Variants in LASP1 observed in about 807,000 individuals in gnomAD.
LASP1 encodes the protein LIM and SH3 domain protein 1.
A neutral mutation model predicts 38.6 loss-of-function variants in LASP1; 10 were observed. That is an observed-to-expected ratio of 0.26 (90% CI 0.16 to 0.44). The LOEUF is 0.44. Ranked by LOEUF, LASP1 falls within the 20% of genes least tolerant of loss-of-function variation. The pLI is 1.00. For synonymous variants in LASP1, 132 were observed against 140.8 expected (o/e 0.94, Z 0.44); for missense variants, 243 against 375.7 (o/e 0.65, Z 2.92).
chr17:38,905,851 G>T (rs1159361354), intron 4 of LASP1, among the ~76,000 whole-genome samples: 1 of 152,126 alleles, frequency 6.6e-6, no homozygotes, highest in Non-Finnish European at 1.5e-5. Context: ...GAGGCCAGGA[G>T]TTTAAGACTT....
intron 2 of LASP1, among the ~76,000 whole-genome samples, chr17:38,880,421 G>T (rs1341835224): frequency 6.6e-6 from 1 of 152,232 alleles, no homozygotes; most frequent in Admixed American, 6.5e-5. Flanking sequence ...GCAGATCAAG[G>T]TTTCTTCTCT....
rs766205981 is a variant in LASP1 at position 38,918,644 on chromosome 17, G to C, written c.652G>C (p.Glu218Gln). 7.4e-6 allele frequency: 12 copies of C among 1,611,392 alleles called. No individual in the cohort carries two copies. The highest frequency in any genetic ancestry group is 1.0e-5 in the Non-Finnish European group (12 of 1,177,972). ...RAVYDYSAAD[E>Q]DEVSFQDGDT... ...GGTGTATGACTACAGCGCCGCCGAC[G>C]AGGACGAGGTCTCCTTCCAGGACGG... is the stretch of plus-strand genomic sequence containing the variant. The change falls in exon 7 of 7, where the codon GAG (glutamate) becomes CAG (glutamine). Residue 218 changes from glutamate to glutamine, a missense_variant. Physicochemically the swap from Glu to Gln is conservative, Grantham distance 29. Around this residue, in one of 4 missense-constraint regions of LASP1, gnomAD observed 165 missense variants for 210.3 expected, o/e 0.78. Transcript: ENST00000318008. This position sits in a 1 kb window ranked among gnomAD's most constrained non-coding sequence, Gnocchi z 4.4.
intron 1 of LASP1, chr17:38,874,192 G>C (rs773256524): frequency 6.6e-6 from 1 of 152,548 alleles, no homozygotes; most frequent in Non-Finnish European, 1.5e-5. Context: ...TGCATGCCTC[G>C]AGGTGCAGTT....
At chr17:38,906,063 A>T (rs1914770200) in intron 4 of LASP1, among the ~76,000 whole-genome samples, 1 of 152,150 alleles carries the variant, frequency 6.6e-6, no homozygotes. Context: ...CTGTCTCTAA[A>T]AAATAAATAA....
At chr17:38,889,126 G>A (rs575964052) in intron 2 of LASP1, among the ~76,000 whole-genome samples, 1 of 151,654 alleles carries the variant, frequency 6.6e-6, no homozygotes, top group Non-Finnish European at 1.5e-5. Flanking sequence ...GTTTTTTTTT[G>A]TTTTGTTTTG....
Position 38,918,988 on chromosome 17 carries a change from C to A in LASP1, c.*210C>A. The A allele has an allele frequency of 1.6e-6, 1 of 612,230 alleles. No individual in the cohort carries two copies. Among genetic ancestry groups the A allele is most frequent in the Middle Eastern group, 2.6e-4 (1 of 3,870 alleles). 37.9% of individuals were successfully genotyped at this position (612,230 alleles called of 1,614,324 possible). Reference sequence around the variant, plus strand: ...GGCAGGCTTCCCCCTTGATCGACTTCTTGGTTTTCTCTCTGGATGGAACGG... The same window carrying A: ...GGCAGGCTTCCCCCTTGATCGACTTATTGGTTTTCTCTCTGGATGGAACGG... On this transcript the variant is annotated 3_prime_UTR_variant, in exon 7 of 7. Coordinates refer to ENST00000318008, the MANE Select transcript of LASP1 (RefSeq NM_006148.4). This position sits in a 1 kb window ranked among gnomAD's most constrained non-coding sequence, Gnocchi z 4.4.
chr17:38,875,088 T>TGTGA (rs201132361), intron 1 of LASP1, among the ~76,000 whole-genome samples: 1 of 138,490 alleles, frequency 7.2e-6, no homozygotes, highest in East Asian at 2.0e-4. Context: ...TGTGTGTGTG[T>TGTGA]GAGAAAGTGG....
intron 3 of LASP1, among the ~76,000 whole-genome samples, chr17:38,892,959 A>ATG (rs143191073): frequency 5.1e-4 from 77 of 151,482 alleles, no homozygotes; most frequent in Middle Eastern, 3.4e-3. Context: ...CCGTGTGTGT[A>ATG]TGTGTGTGTG....
Position 38,877,131 on chromosome 17 carries a change from G to A in LASP1, c.70-955G>A, listed in dbSNP as rs138905432. Among the ~76,000 whole-genome samples the A allele has an allele frequency of 1.0e-3, 153 of 152,326 alleles. No homozygotes were observed. The Middle Eastern group carries it at 0.01, about 10-fold the overall frequency. On this transcript the variant is annotated intron_variant, in intron 1 of 6. Transcript: ENST00000318008. ...CTCGGCTAAGGTTCACACCTGCTGT[G>A]CCCAGCACCTGACATCTGAGTGCTC...
At chr17:38,886,470 C>T (rs1182902227) in intron 2 of LASP1, among the ~76,000 whole-genome samples, 1 of 152,246 alleles carries the variant, frequency 6.6e-6, no homozygotes, top group Non-Finnish European at 1.5e-5. Flanking sequence ...GATTAAAATC[C>T]TCCCTCACTC....
In LASP1 at chr17:38,875,090, A is replaced by ATGTGTGTGTGTGTGTGTGTGT. The variant is rs1567694260; in HGVS notation, c.70-2996_70-2995insTGTGTGTGTGTGTGTGTGTGT. ...GTGTGTGTGTGTGTGTGTGTGTGTG[A>ATGTGTGTGTGTGTGTGTGTGT]GAAAGTGGGTCATGGTCTGGATTCT... is the stretch of plus-strand genomic sequence containing the variant. On this transcript the variant is annotated intron_variant, in intron 1 of 6. Coordinates refer to ENST00000318008, the MANE Select transcript of LASP1 (RefSeq NM_006148.4). 7.2e-3 allele frequency among the ~76,000 whole-genome samples: 875 copies of ATGTGTGTGTGTGTGTGTGTGT among 121,408 alleles called. 10 individuals carry two copies. The highest frequency in any genetic ancestry group is 0.024 in the African/African-American group (838 of 34,344). The allele number at this position is 121,408 out of a possible 152,430, so 79.6% of individuals were successfully genotyped here. A position where few individuals can be genotyped will look rare whatever the true frequency, so the allele number is the denominator to read the frequency against.
At chr17:38,905,793 C>T (rs1240197681) in intron 4 of LASP1, among the ~76,000 whole-genome samples, 2 of 151,890 alleles carry the variant, frequency 1.3e-5, no homozygotes, top group African/African-American at 2.4e-5. Context: ...ATGGTGGGCT[C>T]ACGCCTGTAT....
Position 38,891,698 on chromosome 17 carries a change from C to A in LASP1, c.249+1194C>A, listed in dbSNP as rs550063720. 3.9e-4 allele frequency among the ~76,000 whole-genome samples: 59 copies of A among 152,336 alleles called. 4 individuals are homozygous for A. In the South Asian group the frequency reaches 0.011, roughly 28 times the overall value. Reference sequence around the variant, plus strand: ...TCAGAGAAGAGGAAATAGACACTGGCAGCTTTGAATGTAGGTTTGTCTAAC... The same window carrying A: ...TCAGAGAAGAGGAAATAGACACTGGAAGCTTTGAATGTAGGTTTGTCTAAC... On this transcript the variant is annotated intron_variant, in intron 3 of 6. Transcript: ENST00000318008.
intron 2 of LASP1, among the ~76,000 whole-genome samples, chr17:38,881,302 C>T (rs936902410): frequency 4.6e-5 from 7 of 151,942 alleles, no homozygotes; most frequent in African/African-American, 1.7e-4. Flanking sequence ...AAAAAAACTT[C>T]GTCCTGCTCA....
At chr17:38,890,984 C>G (rs1914302298) in intron 3 of LASP1, among the ~76,000 whole-genome samples, 1 of 152,210 alleles carries the variant, frequency 6.6e-6, no homozygotes. Context: ...GCTGTTCCGC[C>G]TCTGTCTCCT....
Position 38,890,509 on chromosome 17 carries a change from G to C in LASP1, c.249+5G>C, listed in dbSNP as rs759961329. 5.6e-6 allele frequency: 9 copies of C among 1,613,288 alleles called. No homozygotes were observed. On this transcript the variant is annotated splice_donor_5th_base_variant and intron_variant, in intron 3 of 6. Transcript: ENST00000318008. ...CAGAGTGAGCTCCAGAGTCAGGTGAGGGGCTGGGCGGTGCTGGGGCCTGGC... is the reference window on the plus strand; with the variant it reads ...CAGAGTGAGCTCCAGAGTCAGGTGACGGGCTGGGCGGTGCTGGGGCCTGGC...
At chr17:38,897,122 C>T in intron 3 of LASP1, 1 of 964,168 alleles carries the variant, frequency 1.0e-6, no homozygotes, top group Non-Finnish European at 1.2e-6. Context: ...ACTGCATTCA[C>T]TTCTGAACTA....
At chr17:38,872,861 A>G (rs1598101700) in intron 1 of LASP1, among the ~76,000 whole-genome samples, 1 of 152,082 alleles carries the variant, frequency 6.6e-6, no homozygotes, top group South Asian at 2.1e-4. Flanking sequence ...GTCACCTCTG[A>G]AGGCCACCCT....
Position 38,870,084 on chromosome 17 carries a change from CGCT to C in LASP1, c.-100_-98del, listed in dbSNP as rs1264237672. The C allele has an allele frequency of 3.3e-6, 4 of 1,224,812 alleles. No homozygotes were observed. In the African/African-American group the frequency reaches 6.0e-5, roughly 18 times the overall value. The allele number at this position is 1,224,812 out of a possible 1,614,324, so 75.9% of individuals were successfully genotyped here. A position where few individuals can be genotyped will look rare whatever the true frequency, so the allele number is the denominator to read the frequency against. ...CCAGTTCCCCAGCTCCAGCCGCCGT[CGCT>C]GCTGCCTGTGTAGTTGCAGCCGCGG... On this transcript the variant is annotated 5_prime_UTR_variant, in exon 1 of 7. Coordinates refer to ENST00000318008, the MANE Select transcript of LASP1 (RefSeq NM_006148.4).
Sources: allele counts gnomAD v4.1 joint callset (sites outside exome capture counted in the v4.1 genomes callset), GRCh38; gene constraint gnomAD v4.1.1; regional missense constraint gnomAD v4.1.1; non-coding constraint Gnocchi (gnomAD v3.1); transcripts MANE v1.5; gene names NCBI Gene and HGNC (gene_info 2026-07-23, HGNC 2026-07-21).